EYA1: variants seen among roughly 807,000 people sequenced by gnomAD.
EYA1 encodes EYA transcriptional coactivator and phosphatase 1.
A neutral mutation model predicts 82.0 loss-of-function variants in EYA1; 16 were observed. That is an observed-to-expected ratio of 0.20 (90% CI 0.13 to 0.30). EYA1 has a LOEUF of 0.30. Ranked by LOEUF, EYA1 falls within the 10% of genes least tolerant of loss-of-function variation. The probability of loss-of-function intolerance (pLI) is 1.00; values close to 1 mark genes in which losing one functional copy is unlikely to be tolerated. For missense variants in EYA1, 633 were observed against 730.7 expected (o/e 0.87, Z 1.54); for synonymous variants, 261 against 264.4 (o/e 0.99, Z 0.12).
chr8:71,305,521 G>A lies in EYA1; in HGVS notation c.557-5801C>T, dbSNP rs571687315. On this transcript the variant is annotated intron_variant, in intron 7 of 17. Transcript: ENST00000340726. ...CTAAAAATACAAAAATTAGCCGGAT[G>A]TGTAATCTCAGCTACTTGGGTGGCT... Among the ~76,000 whole-genome samples, 277 of 101,276 alleles carry A rather than the reference G, an allele frequency of 2.7e-3. 19 individuals carry two copies. The highest frequency in any genetic ancestry group is 7.8e-3 in the African/African-American group (269 of 34,504). The allele number at this position is 101,276 out of a possible 152,430, so 66.4% of individuals were successfully genotyped here.
At chr8:71,538,131 A>C (rs1814857268) in intron 1 of EYA1, among the ~76,000 whole-genome samples, 1 of 152,208 alleles carries the variant, frequency 6.6e-6, no homozygotes, top group Non-Finnish European at 1.5e-5. Flanking sequence ...GAAATATATG[A>C]CATGACTGGG....
intron 2 of EYA1, among the ~76,000 whole-genome samples, chr8:71,378,647 A>G (rs1042096812): frequency 6.6e-6 from 1 of 152,250 alleles, no homozygotes; most frequent in Admixed American, 6.5e-5. Context: ...AAGACACCAG[A>G]AAACTTTATT....
intron 3 of EYA1, among the ~76,000 whole-genome samples, chr8:71,349,605 G>C (rs528287122): frequency 1.3e-5 from 2 of 152,168 alleles, no homozygotes; most frequent in South Asian, 4.1e-4. Flanking sequence ...TTTACATACG[G>C]TATAGCAGTT....
intron 2 of EYA1, among the ~76,000 whole-genome samples, chr8:71,428,235 T>A (rs1393940266): frequency 6.6e-6 from 1 of 152,190 alleles, no homozygotes; most frequent in Admixed American, 6.5e-5. Flanking sequence ...TGGATAAGCA[T>A]GTTTTTTGGG....
At chr8:71,215,322 C>T in intron 16 of EYA1, 65 bp downstream of exon 16, 1 of 1,515,650 alleles carries the variant, frequency 6.6e-7, no homozygotes, top group Non-Finnish European at 9.1e-7. Context: ...TCATTTATTG[C>T]CTTTCGTTTT....
rs1814024507 is a variant in EYA1 at position 71,528,843 on chromosome 8, A to G, written c.33+6901T>C. 2.0e-5 allele frequency among the ~76,000 whole-genome samples: 3 copies of G among 152,234 alleles called. No homozygotes were observed. In the South Asian group the frequency reaches 6.2e-4, roughly 31 times the overall value. Reference sequence around the variant, plus strand: ...ATTATGCCTAATTTACAAATGAGAAAGAACTGAGGCTTGGAAAGGCGAAAA... The same window carrying G: ...ATTATGCCTAATTTACAAATGAGAAGGAACTGAGGCTTGGAAAGGCGAAAA... On this transcript the variant is annotated intron_variant, in intron 2 of 18. Transcript: ENST00000643681.
At chr8:71,350,845 A>C (rs1185957489) in intron 3 of EYA1, among the ~76,000 whole-genome samples, 1 of 152,210 alleles carries the variant, frequency 6.6e-6, no homozygotes, top group Non-Finnish European at 1.5e-5. Flanking sequence ...CAGCGAAAAC[A>C]AAGATGGAAA....
chr8:71,363,922 T>C (rs192458845), upstream of EYA1, among the ~76,000 whole-genome samples: 7 of 152,196 alleles, frequency 4.6e-5, no homozygotes, highest in East Asian at 1.2e-3. Flanking sequence ...AAAGATTATA[T>C]TGACAAATCC....
chr8:71,541,373 T>C (rs571654152), intron 1 of EYA1, among the ~76,000 whole-genome samples: 1 of 152,350 alleles, frequency 6.6e-6, no homozygotes, highest in South Asian at 2.1e-4. Flanking sequence ...AGCCTGTTTA[T>C]AAAGAATAGA....
chr8:71,410,374 G>T (rs1340497098), intron 2 of EYA1, among the ~76,000 whole-genome samples: 3 of 111,090 alleles, frequency 2.7e-5, no homozygotes, highest in Non-Finnish European at 5.8e-5. Flanking sequence ...GGAAGTTCTG[G>T]CCAGGGCAAT....
chr8:71,507,301 G>T (rs1812264108), intron 2 of EYA1, among the ~76,000 whole-genome samples: 1 of 152,172 alleles, frequency 6.6e-6, no homozygotes, highest in Non-Finnish European at 1.5e-5. Flanking sequence ...GGTTCCAGAG[G>T]CTGTGTTCTT....
chr8:71,449,500 C>T (rs1017462908), intron 2 of EYA1, among the ~76,000 whole-genome samples: 28 of 152,188 alleles, frequency 1.8e-4, no homozygotes, highest in African/African-American at 6.0e-4. Context: ...CAGTAGATCT[C>T]AACACTGGGC....
chr8:71,232,267 C>T, intron 12 of EYA1, among the ~76,000 whole-genome samples: 1 of 152,220 alleles, frequency 6.6e-6, no homozygotes, highest in East Asian at 1.9e-4. Flanking sequence ...TCCTACTTCA[C>T]TAAGGACGCC....
chr8:71,313,964 G>A lies in EYA1; in HGVS notation c.556+3588C>T, dbSNP rs151193200. On this transcript the variant is annotated intron_variant, in intron 7 of 17. Coordinates refer to ENST00000340726, the MANE Select transcript of EYA1 (RefSeq NM_000503.6). ...AAATTCTGATATTAAATTTGAACAG[G>A]TAAATCTCTGAATAACTAGTCATCA... is the stretch of plus-strand genomic sequence containing the variant. 4.7e-3 allele frequency among the ~76,000 whole-genome samples: 716 copies of A among 152,230 alleles called. 5 individuals carry two copies. Among genetic ancestry groups the A allele is most frequent in the African/African-American group, 0.017 (686 of 41,532 alleles).
intron 2 of EYA1, among the ~76,000 whole-genome samples, chr8:71,475,345 G>T (rs914592163): frequency 1.3e-5 from 2 of 152,142 alleles, no homozygotes; most frequent in African/African-American, 4.8e-5. Context: ...CAGGTCTAGA[G>T]CAAAAGAAAG....
intron 11 of EYA1, among the ~76,000 whole-genome samples, chr8:71,248,857 G>T (rs944201029): frequency 4.6e-5 from 7 of 152,096 alleles, no homozygotes; most frequent in Non-Finnish European, 4.4e-5. Context: ...CTGGCTTGAT[G>T]GCTTATTTTG....
At chr8:71,325,409 A>G (rs1004331627) in intron 4 of EYA1, among the ~76,000 whole-genome samples, 4 of 152,172 alleles carry the variant, frequency 2.6e-5, no homozygotes, top group Non-Finnish European at 5.9e-5. Flanking sequence ...AGATGGTTAC[A>G]TTCCTCTGCT....
chr8:71,244,722 A>G, intron 11 of EYA1, 30 bp from the exon 12 acceptor site: 1 of 1,284,890 alleles, frequency 7.8e-7, no homozygotes, highest in Non-Finnish European at 1.1e-6. Context: ...GGTGAAGAAC[A>G]TGTATACTTC....
chr8:71,328,465 G>A (rs1336982894), intron 4 of EYA1, among the ~76,000 whole-genome samples: 1 of 152,082 alleles, frequency 6.6e-6, no homozygotes, highest in Non-Finnish European at 1.5e-5. Flanking sequence ...TGGAAAACAA[G>A]ATCCTTTACA....
Sources: allele counts gnomAD v4.1 joint callset (sites outside exome capture counted in the v4.1 genomes callset), GRCh38; gene constraint gnomAD v4.1.1; transcripts MANE v1.5; gene names NCBI Gene and HGNC (gene_info 2026-07-23, HGNC 2026-07-21).